SGK1: variants seen among roughly 807,000 people sequenced by gnomAD.
The protein encoded by SGK1 is serine/threonine-protein kinase Sgk1.
SGK1 carries 26 observed loss-of-function variants against 64.2 expected under a neutral mutation model. The ratio of observed to expected loss-of-function variants is 0.40; its 90% confidence interval spans 0.30 to 0.56. The LOEUF (loss-of-function observed/expected upper bound fraction) is 0.56, where lower values mean the gene tolerates loss of function less well. Among genes scored for constraint, SGK1 ranks in the 20% least tolerant of loss-of-function variants. SGK1 has a pLI of 0.38. For missense variants in SGK1, 519 were observed against 645.6 expected (o/e 0.80, Z 2.12); for synonymous variants, 265 against 239.7 (o/e 1.11, Z -0.98).
intron 2 of SGK1, among the ~76,000 whole-genome samples, chr6:134,258,736 T>G (rs1317845754): frequency 1.3e-5 from 2 of 151,996 alleles, no homozygotes; most frequent in African/African-American, 4.8e-5. Context: ...TAAAAAGGCT[T>G]AGGCCTGTAA....
chr6:134,176,023 G>A (rs1024927920), intron 3 of SGK1: 1 of 1,013,240 alleles, frequency 9.9e-7, no homozygotes, highest in Non-Finnish European at 1.2e-6. Context: ...AGTAATCTCT[G>A]AGAACATTTT....
chr6:134,285,278 A>T (rs1777164513), intron 1 of SGK1, among the ~76,000 whole-genome samples: 1 of 152,128 alleles, frequency 6.6e-6, no homozygotes, highest in African/African-American at 2.4e-5. Context: ...GGAGTTCGAG[A>T]CCAGCCTGGC....
intron 2 of SGK1, among the ~76,000 whole-genome samples, chr6:134,239,155 T>A (rs1203483503): frequency 6.6e-6 from 1 of 152,132 alleles, no homozygotes; most frequent in Non-Finnish European, 1.5e-5. Context: ...CCCAGGAGCT[T>A]TTGGGCATTT....
intron 3 of SGK1, among the ~76,000 whole-genome samples, chr6:134,202,115 G>A (rs537631014): frequency 9.6e-4 from 146 of 152,092 alleles, no homozygotes; most frequent in African/African-American, 3.4e-3. Context: ...AAGACTACAC[G>A]TTACATTCAG....
intron 3 of SGK1, among the ~76,000 whole-genome samples, chr6:134,206,370 TATATATATATA>T (rs1446147042): frequency 9.7e-3 from 66 of 6,782 alleles, no homozygotes; most frequent in Non-Finnish European, 0.015. Flanking sequence ...TATATATATA[TATATATATATA>T]TATTTTTTTT....
At chr6:134,225,783 G>A (rs1179761381) in intron 2 of SGK1, among the ~76,000 whole-genome samples, 2 of 151,754 alleles carry the variant, frequency 1.3e-5, no homozygotes, top group African/African-American at 2.4e-5. Flanking sequence ...AAATAAATAA[G>A]TAAAAAGAAA....
At chr6:134,240,618 T>C (rs1776430472) in intron 2 of SGK1, among the ~76,000 whole-genome samples, 1 of 152,222 alleles carries the variant, frequency 6.6e-6, no homozygotes. Context: ...AGATAATGCA[T>C]GTCAAGTGCT....
At chr6:134,232,481 AAG>A (rs1467807574) in intron 2 of SGK1, among the ~76,000 whole-genome samples, 24 of 142,884 alleles carry the variant, frequency 1.7e-4, no homozygotes, top group African/African-American at 5.2e-4. Context: ...GAAAGAAAGA[AAG>A]AGAAAGAAAA....
chr6:134,270,707 C>T (rs747039920), intron 1 of SGK1, among the ~76,000 whole-genome samples: 7 of 148,018 alleles, frequency 4.7e-5, no homozygotes, highest in African/African-American at 9.7e-5. Context: ...AGGCCTAGTC[C>T]GGAGGATGGA....
chr6:134,204,987 CTTTCTCTG>C lies in SGK1; in HGVS notation c.361+2361_361+2368del, dbSNP rs1395926343. Among the ~76,000 whole-genome samples, 4 of 148,670 alleles carry C rather than the reference CTTTCTCTG, an allele frequency of 2.7e-5. No individual in the cohort carries two copies. The East Asian group carries it at 7.9e-4, about 29-fold the overall frequency. Reference sequence around the variant, plus strand: ...TTTCTTTCTTTTTCTTTCTTTCTTTCTTTCTCTGTTTCTCTCTTTCTCTCTTTCAGTGA... The same window carrying C: ...TTTCTTTCTTTTTCTTTCTTTCTTTCTTTCTCTCTTTCTCTCTTTCAGTGA... On this transcript the variant is annotated intron_variant, in intron 3 of 13. Transcript: ENST00000367858.
At chr6:134,235,454 AAAT>A (rs1260831175) in intron 2 of SGK1, among the ~76,000 whole-genome samples, 4 of 152,126 alleles carry the variant, frequency 2.6e-5, no homozygotes, top group Non-Finnish European at 5.9e-5. Flanking sequence ...GTTTAGAAAA[AAAT>A]AATGAGATTA....
At chr6:134,232,421 A>AAGAGAGAAAGAAAGAAAGAG (rs762251415) in intron 2 of SGK1, among the ~76,000 whole-genome samples, 1 of 44,446 alleles carries the variant, frequency 2.2e-5, no homozygotes, top group East Asian at 7.0e-4. Context: ...AAGAGAAAGA[A>AAGAGAGAAAGAAAGAAAGAG]AGAAAGAAAG....
chr6:134,206,365 ATATATATATATATATATATTTTTTTTTTT>A (rs1176254618), intron 3 of SGK1, among the ~76,000 whole-genome samples: 163 of 10,278 alleles, frequency 0.016, 8 homozygotes, highest in South Asian at 0.091. Context: ...ATATATATAT[ATATATATATATATATATATTTTTTTTTTT>A]TTTTTTTTTT....
chr6:134,190,368 C>T (rs1172927325), intron 3 of SGK1, among the ~76,000 whole-genome samples: 1 of 151,344 alleles, frequency 6.6e-6, no homozygotes, highest in African/African-American at 2.4e-5. Context: ...TCACTGCAAA[C>T]TCCGCCTCCT....
chr6:134,172,614 C>T lies in SGK1; in HGVS notation c.947+48G>A, dbSNP rs757064923. ...AGGCCCTATGAAACAGCCAGTGCTACGTCTCCTTTATACCAAAACTGGTAG... is the reference window on the plus strand; with the variant it reads ...AGGCCCTATGAAACAGCCAGTGCTATGTCTCCTTTATACCAAAACTGGTAG... On this transcript the variant is annotated intron_variant, in intron 9 of 13. Coordinates refer to ENST00000367858, the MANE Select transcript of SGK1 (RefSeq NM_001143676.3). 1.7e-5 allele frequency: 21 copies of T among 1,235,976 alleles called. No homozygotes were observed. In the African/African-American group the frequency reaches 1.9e-4, roughly 11 times the overall value. The allele number at this position is 1,235,976 out of a possible 1,614,324, so 76.6% of individuals were successfully genotyped here.
chr6:134,249,992 A>G (rs1776582431), intron 2 of SGK1, among the ~76,000 whole-genome samples: 1 of 152,180 alleles, frequency 6.6e-6, no homozygotes, highest in African/African-American at 2.4e-5. Context: ...ACTTAACTAG[A>G]GAGCTACCTA....
intron 3 of SGK1, among the ~76,000 whole-genome samples, chr6:134,192,704 G>A (rs184933166): frequency 4.6e-5 from 7 of 151,824 alleles, no homozygotes; most frequent in Admixed American, 2.6e-4. Context: ...CGAGTAGCTG[G>A]GATTACAGGC....
intron 3 of SGK1, among the ~76,000 whole-genome samples, chr6:134,193,186 C>T (rs1180441206): frequency 2.0e-5 from 3 of 152,160 alleles, no homozygotes; most frequent in African/African-American, 2.4e-5. Flanking sequence ...TGAATCTCTA[C>T]CTGATTGCAG....
chr6:134,230,389 A>C (rs1776257969), intron 2 of SGK1: 1 of 152,196 alleles, frequency 6.6e-6, no homozygotes, highest in African/African-American at 2.4e-5. Flanking sequence ...AAAGAGTTTT[A>C]ATTGACTCAC....
Sources: allele counts gnomAD v4.1 joint callset (sites outside exome capture counted in the v4.1 genomes callset), GRCh38; gene constraint gnomAD v4.1.1; transcripts MANE v1.5; gene names NCBI Gene and HGNC (gene_info 2026-07-23, HGNC 2026-07-21).